Variants in GRIN2A observed in about 807,000 individuals in gnomAD.
GRIN2A encodes the protein glutamate receptor ionotropic, NMDA 2A.
GRIN2A carries 22 observed loss-of-function variants against 113.4 expected under a neutral mutation model. That is an observed-to-expected ratio of 0.19 (90% confidence interval 0.14 to 0.28). The LOEUF (loss-of-function observed/expected upper bound fraction) is 0.28, where lower values mean the gene tolerates loss of function less well. Among genes scored for constraint, GRIN2A ranks in the 10% least tolerant of loss-of-function variants. The pLI, the probability that GRIN2A is intolerant of heterozygous loss-of-function variation, is 1.00. For missense variants in GRIN2A, 1,502 were observed against 1,887.0 expected (o/e 0.80, Z 3.78); for synonymous variants, 827 against 738.4 (o/e 1.12, Z -1.94).
chr16:9,806,171 T>C (rs527237272), intron 10 of GRIN2A, among the ~76,000 whole-genome samples: 1 of 152,342 alleles, frequency 6.6e-6, no homozygotes, highest in East Asian at 1.9e-4. Flanking sequence ...AATTCTTTTG[T>C]GTTTAAATTT....
At chr16:9,787,278 C>T (rs1281383914) in intron 11 of GRIN2A, among the ~76,000 whole-genome samples, 1 of 152,216 alleles carries the variant, frequency 6.6e-6, no homozygotes, top group African/African-American at 2.4e-5. Context: ...GTCTCCACAA[C>T]TCCTTCTCTT....
chr16:9,765,804 C>G (rs1900884108), intron 12 of GRIN2A, among the ~76,000 whole-genome samples: 1 of 152,192 alleles, frequency 6.6e-6, no homozygotes, highest in African/African-American at 2.4e-5. Flanking sequence ...TTACTAGTCA[C>G]AGTGAAGAGT....
intron 2 of GRIN2A, among the ~76,000 whole-genome samples, chr16:10,131,014 T>A (rs2049050445): frequency 6.6e-6 from 1 of 152,160 alleles, no homozygotes; most frequent in Non-Finnish European, 1.5e-5. Flanking sequence ...GAAATGGAAC[T>A]TAAGCTTCTG....
chr16:10,061,365 G>C (rs1158772156), intron 2 of GRIN2A, among the ~76,000 whole-genome samples: 1 of 152,130 alleles, frequency 6.6e-6, no homozygotes, highest in Non-Finnish European at 1.5e-5. Flanking sequence ...CTTCTCTTTT[G>C]TTTTAGCATT....
intron 3 of GRIN2A, among the ~76,000 whole-genome samples, chr16:9,928,839 A>G (rs998927090): frequency 1.3e-5 from 2 of 152,184 alleles, no homozygotes; most frequent in African/African-American, 4.8e-5. Context: ...TACTTTCTCA[A>G]TGTACTGATT....
chr16:10,068,464 A>C (rs2047690513), intron 2 of GRIN2A, among the ~76,000 whole-genome samples: 1 of 152,196 alleles, frequency 6.6e-6, no homozygotes. Flanking sequence ...AGGAGAGAGT[A>C]AGTCTTGGGG....
In GRIN2A at chr16:10,045,988, C is replaced by T. The variant is rs540923841; in HGVS notation, c.415-107437G>A. ...ACATGCTGATATTAGTAGCATCTCC[C>T]GACAAACACCTACCTGTGAACACCA... On this transcript the variant is annotated intron_variant, in intron 2 of 12. Coordinates refer to ENST00000330684, the MANE Select transcript of GRIN2A (RefSeq NM_001134407.3). Among the ~76,000 whole-genome samples the T allele has an allele frequency of 1.7e-4, 26 of 152,280 alleles. 1 individual carries two copies. The highest frequency in any genetic ancestry group is 8.5e-4 in the Admixed American group (13 of 15,298).
At chr16:10,119,477 C>A (rs1277711481) in intron 2 of GRIN2A, among the ~76,000 whole-genome samples, 1 of 152,198 alleles carries the variant, frequency 6.6e-6, no homozygotes, top group East Asian at 1.9e-4. Flanking sequence ...CACAGCCCTT[C>A]ATAAACAGCA....
intron 4 of GRIN2A, among the ~76,000 whole-genome samples, chr16:9,887,709 G>T (rs1042333498): frequency 2.0e-5 from 3 of 152,130 alleles, no homozygotes; most frequent in Non-Finnish European, 4.4e-5. Context: ...TAAAATTGCT[G>T]GATAAGATTT....
chr16:10,116,551 A>C (rs1320515575), intron 2 of GRIN2A, among the ~76,000 whole-genome samples: 2 of 152,248 alleles, frequency 1.3e-5, no homozygotes, highest in Non-Finnish European at 2.9e-5. Context: ...GTTAAGTTTT[A>C]CTTTAGAGCA....
intron 2 of GRIN2A, among the ~76,000 whole-genome samples, chr16:10,085,042 C>T (rs1215351723): frequency 6.6e-6 from 1 of 152,168 alleles, no homozygotes; most frequent in African/African-American, 2.4e-5. Context: ...GAGCTAGGTA[C>T]TGTTGTCATT....
At chr16:9,829,742 G>A (rs1211434569) in intron 8 of GRIN2A, 90 bp from the exon 9 acceptor site, 7 of 835,214 alleles carry the variant, frequency 8.4e-6, no homozygotes, top group Admixed American at 1.9e-5. Context: ...CAGCAGCACC[G>A]AAGGTTGCCA....
In GRIN2A at chr16:10,180,614, T is replaced by G; in HGVS notation, c.-18-185A>C. The G allele has an allele frequency of 1.0e-6, 1 of 965,352 alleles. No homozygotes were observed. Among genetic ancestry groups the G allele is most frequent in the Non-Finnish European group, 1.5e-6 (1 of 668,720 alleles). The allele number at this position is 965,352 out of a possible 1,614,324, so 59.8% of individuals were successfully genotyped here. A position where few individuals can be genotyped will look rare whatever the true frequency, so the allele number is the denominator to read the frequency against. On this transcript the variant is annotated intron_variant, in intron 1 of 12. Transcript: ENST00000330684. The surrounding 1 kb of genome is among the most constrained non-coding windows in gnomAD (Gnocchi z 7.0). Reference sequence around the variant, plus strand: ...ACATCCCTCGATCCATCTCTAACTCTATCCACAACTCCAATTCGAGCTAAT... The same window carrying G: ...ACATCCCTCGATCCATCTCTAACTCGATCCACAACTCCAATTCGAGCTAAT...
At chr16:10,138,448 G>A (rs183795754) in intron 2 of GRIN2A, among the ~76,000 whole-genome samples, 2 of 152,258 alleles carry the variant, frequency 1.3e-5, no homozygotes, top group South Asian at 2.1e-4. Context: ...GCGGAAGGAT[G>A]GGGATGGGTA....
At chr16:10,121,567 C>T (rs1290484444) in intron 2 of GRIN2A, 2 of 152,098 alleles carry the variant, frequency 1.3e-5, no homozygotes, top group Non-Finnish European at 2.9e-5. Flanking sequence ...AAGGCATGAG[C>T]TCATCATCTA....
chr16:9,773,424 C>T (rs1209682602), intron 11 of GRIN2A, among the ~76,000 whole-genome samples: 1 of 152,150 alleles, frequency 6.6e-6, no homozygotes, highest in Non-Finnish European at 1.5e-5. Flanking sequence ...CCAGTTTCTC[C>T]TATTAAAAAG....
intron 2 of GRIN2A, among the ~76,000 whole-genome samples, chr16:9,994,277 T>C (rs2086043597): frequency 6.6e-6 from 1 of 152,174 alleles, no homozygotes; most frequent in South Asian, 2.1e-4. Flanking sequence ...GATAGTTTCT[T>C]TCAGCTATTT....
At chr16:9,856,394 G>A (rs1470537783) in intron 4 of GRIN2A, among the ~76,000 whole-genome samples, 1 of 152,026 alleles carries the variant, frequency 6.6e-6, no homozygotes, top group Admixed American at 6.5e-5. Flanking sequence ...GCTGAGGCGG[G>A]TAGATCACGA....
chr16:9,843,738 G>T (rs572086612), intron 5 of GRIN2A, among the ~76,000 whole-genome samples: 11 of 143,954 alleles, frequency 7.6e-5, no homozygotes, highest in Admixed American at 2.7e-4. Context: ...CACCCTTAGT[G>T]GGGGGGTAGT....
Sources: allele counts gnomAD v4.1 joint callset (sites outside exome capture counted in the v4.1 genomes callset), GRCh38; gene constraint gnomAD v4.1.1; non-coding constraint Gnocchi (gnomAD v3.1); transcripts MANE v1.5; gene names NCBI Gene and HGNC (gene_info 2026-07-23, HGNC 2026-07-21).